LIMCH1: variants seen among roughly 807,000 people sequenced by gnomAD.
LIMCH1 encodes LIM and calponin homology domains-containing protein 1.
Under a neutral mutation model 176.5 loss-of-function variants are expected in LIMCH1, and 113 were observed. The observed-to-expected ratio is 0.64, with a 90% CI of 0.55 to 0.75. LIMCH1 has a LOEUF of 0.75. Among genes scored for constraint, LIMCH1 ranks in the 30% least tolerant of loss-of-function variants. LIMCH1 has a pLI of 0.00. For missense variants in LIMCH1, 1,674 were observed against 1,814.9 expected, an observed-to-expected ratio of 0.92 and a Z score of 1.41; for synonymous variants, 619 against 645.9, an observed-to-expected ratio of 0.96 and a Z score of 0.63.
intron 1 of LIMCH1, among the ~76,000 whole-genome samples, chr4:41,586,315 G>T (rs1471008664): frequency 6.6e-6 from 1 of 151,850 alleles, no homozygotes; most frequent in African/African-American, 2.4e-5. Context: ...ACATTGTGTT[G>T]CCTGCACTGG....
At chr4:41,372,857 G>A (rs2054181744) in intron 1 of LIMCH1, among the ~76,000 whole-genome samples, 1 of 152,210 alleles carries the variant, frequency 6.6e-6, no homozygotes, top group African/African-American at 2.4e-5. Flanking sequence ...ACTGAGACTT[G>A]AGGGTTGGCA....
At position 41,684,443 on chromosome 4, in the gene LIMCH1, G is replaced by A. The variant is rs748326266; in HGVS notation, c.3892G>A (p.Gly1298Arg). 5 of 1,613,780 alleles carry A rather than the reference G, an allele frequency of 3.1e-6. 1 individual carries two copies. In the Admixed American group the frequency reaches 5.0e-5, roughly 16 times the overall value. ...LAHSGNPVSKGVHEDHQLDTE... is the reference protein window; with the variant it reads ...LAHSGNPVSKRVHEDHQLDTE... The stretch of plus-strand genomic sequence containing the variant: ...TCATTCTGGGAACCCTGTATCAAAA[G>A]GAGTCCATGAAGACCATCAGCTGGA... The change falls in exon 27 of 32, where the codon GGA (glycine) becomes AGA (arginine). Residue 1298 changes from glycine (G) to arginine (R), a missense_variant. By Grantham distance (125) the Gly-to-Arg change is moderately radical. Transcript: ENST00000503057.
intron 23 of LIMCH1, 141 bp from the exon 24 acceptor site, chr4:41,679,865 T>G (rs956913333): frequency 5.1e-6 from 3 of 583,504 alleles, no homozygotes; most frequent in Admixed American, 6.6e-5. Flanking sequence ...TCCCTTTTTA[T>G]TGCATGAATC....
intron 2 of LIMCH1, among the ~76,000 whole-genome samples, chr4:41,510,126 C>G (rs1216562692): frequency 2.6e-5 from 4 of 151,328 alleles, no homozygotes; most frequent in African/African-American, 9.7e-5. Flanking sequence ...AGAATTGTCA[C>G]TTGGAACCAC....
rs2094679984 is a variant in LIMCH1 at position 41,662,955 on chromosome 4, G to A, written c.3262G>A (p.Gly1088Arg). The change falls in exon 20 of 32, where the codon GGA (glycine) becomes AGA (arginine). Residue 1088 changes from glycine (G) to arginine (R), a missense_variant. By Grantham distance (125) the Gly-to-Arg change is moderately radical. Around this residue, in one of 3 missense-constraint regions of LIMCH1, gnomAD observed 1,015 missense variants for 1,102.5 expected, o/e 0.92. Transcript: ENST00000503057. ...DQKKPENEMS[G>R]KVELVLSQKV... is the part of the protein sequence containing the mutation. ...GAAGAAACCAGAAAATGAAATGAGT[G>A]GAAAGGTGGAGTTGGTGCTGTCACA... is the stretch of plus-strand genomic sequence containing the variant. 1 of 1,613,868 alleles carries A rather than the reference G, an allele frequency of 6.2e-7. No homozygotes were observed. The highest frequency in any genetic ancestry group is 1.7e-5 in the Admixed American group (1 of 59,962).
chr4:41,688,011 T>A lies in LIMCH1; in HGVS notation c.4166+94T>A, dbSNP rs951816221. On this transcript the variant is annotated intron_variant, in intron 29 of 31. Transcript: ENST00000503057. ...ACTGAATTAGTGCTTGCCAAATGAT[T>A]TTGAGGGATGTGTCCATCCACATCT... 5 of 971,382 alleles carry A rather than the reference T, an allele frequency of 5.1e-6. No homozygotes were observed. In the Admixed American group the frequency reaches 5.4e-5, roughly 10 times the overall value. 60.2% of individuals were successfully genotyped at this position (971,382 alleles called of 1,614,324 possible). A position where few individuals can be genotyped will look rare whatever the true frequency, so the allele number is the denominator to read the frequency against.
intron 2 of LIMCH1, among the ~76,000 whole-genome samples, chr4:41,524,055 T>C (rs1044885423): frequency 2.6e-5 from 4 of 152,182 alleles, no homozygotes; most frequent in Admixed American, 1.3e-4. Context: ...GCCAGGAAAA[T>C]TGGCAACAAG....
At chr4:41,560,528 G>A (rs2081933120) in intron 1 of LIMCH1, among the ~76,000 whole-genome samples, 1 of 152,156 alleles carries the variant, frequency 6.6e-6, no homozygotes, top group Non-Finnish European at 1.5e-5. Flanking sequence ...AAATGTGCTT[G>A]CTTCTCTCTA....
intron 1 of LIMCH1, among the ~76,000 whole-genome samples, chr4:41,439,331 G>A (rs1285151368): frequency 1.3e-5 from 2 of 152,218 alleles, no homozygotes; most frequent in Non-Finnish European, 1.5e-5. Flanking sequence ...GCTCATGCCT[G>A]TAATCCCACT....
chr4:41,499,492 TC>T (rs1234077757), intron 2 of LIMCH1, among the ~76,000 whole-genome samples: 1 of 152,206 alleles, frequency 6.6e-6, no homozygotes, highest in African/African-American at 2.4e-5. Context: ...GTTGCTAGTA[TC>T]CCCAGTAATA....
chr4:41,560,736 C>T (rs960720564), intron 1 of LIMCH1, among the ~76,000 whole-genome samples: 3 of 151,994 alleles, frequency 2.0e-5, no homozygotes, highest in East Asian at 3.9e-4. Context: ...AAAAATAAAT[C>T]GGTCAGGCAT....
At chr4:41,438,586 G>A (rs1004602223) in intron 1 of LIMCH1, among the ~76,000 whole-genome samples, 1 of 152,036 alleles carries the variant, frequency 6.6e-6, no homozygotes, top group African/African-American at 2.4e-5. Flanking sequence ...CGATCTACCC[G>A]CCTCGGCCTC....
chr4:41,583,358 C>A (rs975955290), intron 1 of LIMCH1, among the ~76,000 whole-genome samples: 5 of 152,156 alleles, frequency 3.3e-5, no homozygotes, highest in African/African-American at 1.2e-4. Context: ...TCCATGGTGA[C>A]CTTTTTCTCA....
intron 1 of LIMCH1, among the ~76,000 whole-genome samples, chr4:41,369,591 A>G (rs2053633832): frequency 1.3e-5 from 2 of 152,164 alleles, no homozygotes; most frequent in African/African-American, 2.4e-5. Context: ...CTCTAAGCTC[A>G]TTAATCCTTC....
At chr4:41,530,030 G>GT (rs1238875704) in intron 3 of LIMCH1, among the ~76,000 whole-genome samples, 2 of 152,186 alleles carry the variant, frequency 1.3e-5, no homozygotes, top group Non-Finnish European at 2.9e-5. Context: ...GGAAAAAAAT[G>GT]TAAGTTTCCA....
At chr4:41,625,092 A>C (rs891390420) in intron 7 of LIMCH1, among the ~76,000 whole-genome samples, 4 of 152,196 alleles carry the variant, frequency 2.6e-5, no homozygotes, top group African/African-American at 9.7e-5. Context: ...CATGAATATA[A>C]AGCCAGACAG....
chr4:41,629,039 C>G (rs2093158928), intron 8 of LIMCH1, among the ~76,000 whole-genome samples: 1 of 152,198 alleles, frequency 6.6e-6, no homozygotes, highest in Non-Finnish European at 1.5e-5. Context: ...TATCTCCAAA[C>G]TAATCCTAGA....
In LIMCH1 at chr4:41,629,755, A is replaced by G. The variant is rs1169902373; in HGVS notation, c.1271+21A>G. ...GCGAGGTGTGTCATGTTTCCCCCCCAGTTTCCCCCTGGCAGTCATGGTATT... is the reference window on the plus strand; with the variant it reads ...GCGAGGTGTGTCATGTTTCCCCCCCGGTTTCCCCCTGGCAGTCATGGTATT... On this transcript the variant is annotated intron_variant, in intron 9 of 31. Coordinates refer to ENST00000503057, the MANE Select transcript of LIMCH1 (RefSeq NM_001330672.2). The G allele has an allele frequency of 1.2e-5, 19 of 1,521,618 alleles. No individual in the cohort carries two copies. In the East Asian group the frequency reaches 4.2e-4, roughly 34 times the overall value. 94.3% of individuals were successfully genotyped at this position (1,521,618 alleles called of 1,614,324 possible).
intron 1 of LIMCH1, among the ~76,000 whole-genome samples, chr4:41,400,569 C>T (rs1313206389): frequency 6.6e-6 from 1 of 152,064 alleles, no homozygotes; most frequent in African/African-American, 2.4e-5. Context: ...GAGAATGGAG[C>T]CCTAATGCAG....
Sources: gnomAD v4.1 joint callset for allele counts (sites outside exome capture counted in the v4.1 genomes callset) on GRCh38, gnomAD v4.1.1 for gene constraint, gnomAD v4.1.1 regional missense constraint, MANE v1.5 for transcripts, NCBI Gene and HGNC (gene_info 2026-07-23, HGNC 2026-07-21) for gene names.